RELL1: variants seen among roughly 807,000 people sequenced by gnomAD.
RELL1 encodes RELT like 1, also known as RELT-like protein 1.
Under a neutral mutation model 23.0 loss-of-function variants are expected in RELL1, and 10 were observed. The ratio of observed to expected loss-of-function variants is 0.43; its 90% CI spans 0.27 to 0.74. The LOEUF (loss-of-function observed/expected upper bound fraction) is 0.74. Ranked by LOEUF, RELL1 falls within the 30% of genes least tolerant of loss-of-function variation. The probability of loss-of-function intolerance (pLI) is 0.19; values close to 1 mark genes in which losing one functional copy is unlikely to be tolerated. For synonymous variants in RELL1, 146 were observed against 146.8 expected, an observed-to-expected ratio of 0.99 and a Z score of 0.04; for missense variants, 315 against 364.4, an observed-to-expected ratio of 0.86 and a Z score of 1.10.
chr4:37,669,508 G>A (rs898832657), intron 1 of RELL1, among the ~76,000 whole-genome samples: 30 of 151,998 alleles, frequency 2.0e-4, no homozygotes, highest in Non-Finnish European at 2.9e-4. Context: ...CCCTCTGCCC[G>A]GCCACCACCC....
chr4:37,664,046 A>G (rs1165402491), intron 1 of RELL1, among the ~76,000 whole-genome samples: 3 of 152,302 alleles, frequency 2.0e-5, no homozygotes, highest in Admixed American at 6.5e-5. Context: ...AAAAACCTTC[A>G]TAGCACAAAA....
chr4:37,645,079 C>T (rs1395622412), intron 3 of RELL1, among the ~76,000 whole-genome samples: 1 of 152,020 alleles, frequency 6.6e-6, no homozygotes, highest in African/African-American at 2.4e-5. Flanking sequence ...CATAGCAAAC[C>T]CTCATGAGTG....
chr4:37,659,152 C>G (rs913816467), intron 1 of RELL1, among the ~76,000 whole-genome samples: 1 of 152,198 alleles, frequency 6.6e-6, no homozygotes, highest in African/African-American at 2.4e-5. Flanking sequence ...CACAGCACCA[C>G]AAATAAAAAA....
chr4:37,605,797 A>AGAG (rs772155221), downstream of RELL1, among the ~76,000 whole-genome samples: 3,509 of 90,332 alleles, frequency 0.039, 127 homozygotes, highest in East Asian at 0.1. Flanking sequence ...AAGAAAGAGA[A>AGAG]AGAAAGAAAG....
In RELL1 at chr4:37,686,309, TC is replaced by T. The variant is rs775910743; in HGVS notation, c.-23del. On this transcript the variant is annotated 5_prime_UTR_variant, in exon 1 of 7. Coordinates refer to ENST00000454158, the MANE Select transcript of RELL1 (RefSeq NM_001085400.2). ...CCATCGCCGCGTCGCTTCGCCCTCC[TC>T]CCCCAGGGCGCCGCGTCCCGCGCTC... is the stretch of plus-strand genomic sequence containing the variant. 3.6e-5 allele frequency: 53 copies of T among 1,476,330 alleles called. No homozygotes were observed. Among genetic ancestry groups the T allele is most frequent in the Non-Finnish European group, 1.3e-5 (14 of 1,116,626 alleles). 91.5% of individuals were successfully genotyped at this position (1,476,330 alleles called of 1,614,324 possible).
At chr4:37,604,908 C>CAG (rs1719143277) in intron 6 of RELL1, among the ~76,000 whole-genome samples, 26 of 72,198 alleles carry the variant, frequency 3.6e-4, no homozygotes, top group Middle Eastern at 5.8e-3. Flanking sequence ...CAGACACACA[C>CAG]ACACACACAC....
downstream of RELL1, among the ~76,000 whole-genome samples, chr4:37,610,080 T>C (rs1260644298): frequency 6.6e-6 from 1 of 152,138 alleles, no homozygotes; most frequent in African/African-American, 2.4e-5. This position sits in a 1 kb window ranked among gnomAD's most constrained non-coding sequence, Gnocchi z 4.1. Flanking sequence ...GTGAGGTCAA[T>C]CAGTGCAGCA....
At chr4:37,637,936 A>G (rs1348572536) in intron 4 of RELL1, among the ~76,000 whole-genome samples, 1 of 152,212 alleles carries the variant, frequency 6.6e-6, no homozygotes, top group Non-Finnish European at 1.5e-5. Context: ...TGTATTCCTT[A>G]TAACAACCCT....
rs57729494 is a variant in RELL1 at position 37,678,753 on chromosome 4, T to C, written c.88+7447A>G. Among the ~76,000 whole-genome samples, 716 of 152,340 alleles carry C rather than the reference T, an allele frequency of 4.7e-3. 4 individuals carry two copies. The highest frequency in any genetic ancestry group is 0.016 in the African/African-American group (681 of 41,572). ...AAGCACTCACTAGTTTTATCTTACA[T>C]AACTGACACAACAATGCTATGAGGC... On this transcript the variant is annotated intron_variant, in intron 1 of 6. Coordinates refer to ENST00000454158, the MANE Select transcript of RELL1 (RefSeq NM_001085400.2).
chr4:37,610,478 G>GA (rs1198274858), downstream of RELL1, among the ~76,000 whole-genome samples: 4 of 152,038 alleles, frequency 2.6e-5, no homozygotes, highest in African/African-American at 9.7e-5. The surrounding 1 kb of genome is among the most constrained non-coding windows in gnomAD (Gnocchi z 4.1). Context: ...TGCAGGAGGG[G>GA]AAATCTCATG....
At chr4:37,606,170 AAAG>A (rs1357834221), downstream of RELL1, among the ~76,000 whole-genome samples, 6 of 149,664 alleles carry the variant, frequency 4.0e-5, no homozygotes, top group African/African-American at 7.4e-5. The surrounding 1 kb of genome is among the most constrained non-coding windows in gnomAD (Gnocchi z 4.1). Flanking sequence ...AGAAAGAAAA[AAAG>A]GAGAAAGAAG....
downstream of RELL1, chr4:37,588,352 C>G (rs181969200): frequency 6.5e-6 from 1 of 155,014 alleles, no homozygotes; most frequent in African/African-American, 2.4e-5. Flanking sequence ...GGGCCTGAAT[C>G]ATGGGACACA....
At chr4:37,605,846 GGAAAAGAAAA>G (rs146597622), downstream of RELL1, among the ~76,000 whole-genome samples, 1 of 101,444 alleles carries the variant, frequency 9.9e-6, no homozygotes, top group Non-Finnish European at 2.0e-5. Context: ...AAAGAAAGAA[GGAAAAGAAAA>G]GAAAAGAAAG....
In RELL1 at chr4:37,612,175, T is replaced by C. The variant is rs1577562845; in HGVS notation, c.*1171A>G. Among the ~76,000 whole-genome samples the C allele has an allele frequency of 4.1e-4, 5 of 12,154 alleles. No homozygotes were observed. The South Asian group carries it at 0.016, about 38-fold the overall frequency. The allele number at this position is 12,154 out of a possible 152,430, so 8.0% of individuals were successfully genotyped here. A position where few individuals can be genotyped will look rare whatever the true frequency, so the allele number is the denominator to read the frequency against. On this transcript the variant is annotated 3_prime_UTR_variant, in exon 7 of 7. Coordinates refer to ENST00000454158, the MANE Select transcript of RELL1 (RefSeq NM_001085400.2). Reference sequence around the variant, plus strand: ...CTGGGCGACAGAGCGAGACTCCGCCTCAAAAAAAAAAAAAAAAAAAAAAAA... The same window carrying C: ...CTGGGCGACAGAGCGAGACTCCGCCCCAAAAAAAAAAAAAAAAAAAAAAAA...
downstream of RELL1, among the ~76,000 whole-genome samples, chr4:37,609,696 A>T (rs2135560): frequency 0.14 from 21,351 of 152,118 alleles, 1,886 homozygotes; most frequent in East Asian, 0.41. Flanking sequence ...CTCACAGATG[A>T]CTTGGAGGGG....
chr4:37,626,863 G>C lies in RELL1; in HGVS notation c.*3+4522C>G, dbSNP rs186286849. 1.5e-3 allele frequency among the ~76,000 whole-genome samples: 220 copies of C among 150,958 alleles called. 1 individual carries two copies. The highest frequency in any genetic ancestry group is 4.2e-3 in the African/African-American group (173 of 40,970). ...AACTCATAGAAGCAGAGAGAAGAAA[G>C]GTGGTTAGAGGTAGGGGCGGGGGAG... is the stretch of plus-strand genomic sequence containing the variant. On this transcript the variant is annotated intron_variant, in intron 6 of 6. Coordinates refer to ENST00000454158, the MANE Select transcript of RELL1 (RefSeq NM_001085400.2).
intron 6 of RELL1, among the ~76,000 whole-genome samples, chr4:37,594,618 C>G (rs1277425155): frequency 6.6e-6 from 1 of 152,090 alleles, no homozygotes; most frequent in Non-Finnish European, 1.5e-5. Flanking sequence ...CCCTCATTGC[C>G]AAAGCAGATG....
chr4:37,678,623 T>C (rs1372117281), intron 1 of RELL1, among the ~76,000 whole-genome samples: 3 of 152,246 alleles, frequency 2.0e-5, no homozygotes, highest in African/African-American at 7.2e-5. Context: ...AGGAAAATTC[T>C]GGAGTGGTTA....
intron 6 of RELL1, among the ~76,000 whole-genome samples, chr4:37,628,395 AT>A (rs1232887626): frequency 1.3e-5 from 2 of 152,180 alleles, no homozygotes; most frequent in African/African-American, 4.8e-5. Context: ...GATTACAGAA[AT>A]TAGCTAATAC....
Sources: allele counts gnomAD v4.1 joint callset (sites outside exome capture counted in the v4.1 genomes callset), GRCh38; gene constraint gnomAD v4.1.1; non-coding constraint Gnocchi (gnomAD v3.1); transcripts MANE v1.5; gene names NCBI Gene and HGNC (gene_info 2026-07-23, HGNC 2026-07-21).